The following FH variants were observed in gnomAD, a reference collection of about 807,000 sequenced individuals.
FH encodes the protein fumarate hydratase, also known as fumarate hydratase, mitochondrial.
Under a neutral mutation model 49.4 loss-of-function variants are expected in FH, and 22 were observed. The ratio of observed to expected loss-of-function variants is 0.45; its 90% CI spans 0.32 to 0.64. FH has a LOEUF of 0.64. Among genes scored for constraint, FH ranks in the 30% least tolerant of loss-of-function variants. The probability of loss-of-function intolerance (pLI) is 0.05; values close to 1 mark genes in which losing one functional copy is unlikely to be tolerated. For synonymous variants in FH, 208 were observed against 223.0 expected (o/e 0.93, Z 0.60); for missense variants, 526 against 641.5 (o/e 0.82, Z 1.95).
At chr1:241,499,567 G>A (rs1181377817) in intron 9 of FH, among the ~76,000 whole-genome samples, 1 of 152,152 alleles carries the variant, frequency 6.6e-6, no homozygotes, top group African/African-American at 2.4e-5. Flanking sequence ...TTAAAAAACT[G>A]TAATTATAGC....
chr1:241,498,766 A>C (rs1659693984), intron 9 of FH, among the ~76,000 whole-genome samples: 1 of 130,916 alleles, frequency 7.6e-6, no homozygotes, highest in Non-Finnish European at 1.6e-5. Flanking sequence ...AGCAGGAATG[A>C]AAATGAAACC....
rs1338395867 is a variant in FH at position 241,519,485 on chromosome 1, C to G, written c.132+106G>C. The G allele has an allele frequency of 2.3e-5, 31 of 1,373,998 alleles. No individual in the cohort carries two copies. In the East Asian group the frequency reaches 6.1e-4, roughly 27 times the overall value. The allele number at this position is 1,373,998 out of a possible 1,614,324, so 85.1% of individuals were successfully genotyped here. On this transcript the variant is annotated intron_variant, in intron 1 of 9. Transcript: ENST00000366560. ...GCTAAGCCCAGAGTCTGGCGCGGCC[C>G]GGACGCCCGGGGAATCTCTCCCGCC... is the stretch of plus-strand genomic sequence containing the variant.
At chr1:241,510,122 T>C (rs967455070) in intron 4 of FH, among the ~76,000 whole-genome samples, 17 of 152,194 alleles carry the variant, frequency 1.1e-4, no homozygotes, top group African/African-American at 3.9e-4. Flanking sequence ...CCTTATACAA[T>C]GAACGTGTAT....
At chr1:241,499,018 T>G (rs1366611141) in intron 9 of FH, among the ~76,000 whole-genome samples, 1 of 152,066 alleles carries the variant, frequency 6.6e-6, no homozygotes, top group Admixed American at 6.5e-5. Flanking sequence ...AAAGGGCATC[T>G]TTCTTAAAGC....
intron 4 of FH, among the ~76,000 whole-genome samples, chr1:241,509,142 A>G (rs1001387952): frequency 9.7e-5 from 14 of 144,036 alleles, no homozygotes; most frequent in African/African-American, 3.0e-4. Flanking sequence ...ACAGAGAAGT[A>G]TAGTTAACAA....
intron 3 of FH, 39 bp downstream of exon 3, chr1:241,513,564 G>T: frequency 7.0e-7 from 1 of 1,427,048 alleles, no homozygotes; most frequent in Non-Finnish European, 9.9e-7. Flanking sequence ...TATGGCATGG[G>T]TCTGAGGTTA....
chr1:241,508,518 T>G, intron 5 of FH, 85 bp downstream of exon 5: 7 of 1,293,378 alleles, frequency 5.4e-6, no homozygotes, highest in Non-Finnish European at 7.9e-6. Context: ...AAATTTGGCC[T>G]TTTAAGCTAG....
intron 7 of FH, 78 bp downstream of exon 7, chr1:241,503,964 G>C: frequency 2.1e-6 from 3 of 1,405,136 alleles, no homozygotes; most frequent in Non-Finnish European, 3.0e-6. Flanking sequence ...TTTAAACAAA[G>C]AGAGACATGG....
intron 7 of FH, among the ~76,000 whole-genome samples, chr1:241,503,230 G>C (rs930295278): frequency 1.3e-5 from 2 of 152,098 alleles, no homozygotes; most frequent in African/African-American, 4.8e-5. Context: ...CCCTGGATTT[G>C]CAATCAACTA....
rs11809211 is a variant in FH, at chr1:241,498,255, T to C, written c.1391-285A>G. 3.7e-3 allele frequency among the ~76,000 whole-genome samples: 562 copies of C among 152,234 alleles called. 1 individual carries two copies. Among genetic ancestry groups the C allele is most frequent in the African/African-American group, 0.012 (512 of 41,550 alleles). On this transcript the variant is annotated intron_variant, in intron 9 of 9. Transcript: ENST00000366560. ...TTAGATATTTTGAAGGGGAAAAAAG[T>C]AGAAATTATAGCACCACGACATAAA... is the stretch of plus-strand genomic sequence containing the variant.
At chr1:241,498,202 T>G (rs1659672801) in intron 9 of FH, among the ~76,000 whole-genome samples, 1 of 152,210 alleles carries the variant, frequency 6.6e-6, no homozygotes. Context: ...CCAACAGATT[T>G]GTTCCTAAGT....
rs863223968 is a variant in FH at position 241,508,638 on chromosome 1, G to A, written c.703C>T (p.His235Tyr). 1 of 1,613,856 alleles carries A rather than the reference G, an allele frequency of 6.2e-7. No homozygotes were observed. The stretch of plus-strand genomic sequence containing the variant: ...GTAAGTGGAACAGCATCCTGAGTAT[G>A]AGTACGTCCAATCTTGATGATCTGT... ...FAQIIKIGRTHTQDAVPLTLG... is the reference protein window; with the variant it reads ...FAQIIKIGRTYTQDAVPLTLG... The change falls in exon 5 of 10, where the codon CAT (histidine) becomes TAT (tyrosine). Residue 235 changes from histidine (H) to tyrosine (Y), a missense_variant. Coordinates refer to ENST00000366560, the MANE Select transcript of FH (RefSeq NM_000143.4).
At chr1:241,500,374 TA>T in intron 9 of FH, 62 bp downstream of exon 9, 1 of 1,541,142 alleles carries the variant, frequency 6.5e-7, no homozygotes, top group Non-Finnish European at 9.0e-7. Flanking sequence ...ACTTGTCTCT[TA>T]AAAATGGTTT....
Position 241,519,454 on chromosome 1 carries a change from A to G in FH, c.132+137T>C, listed in dbSNP as rs1048194255. 7 of 1,083,020 alleles carry G rather than the reference A, an allele frequency of 6.5e-6. No individual in the cohort carries two copies. In the African/African-American group the frequency reaches 1.0e-4, roughly 16 times the overall value. The allele number at this position is 1,083,020 out of a possible 1,614,324, so 67.1% of individuals were successfully genotyped here. On this transcript the variant is annotated intron_variant, in intron 1 of 9. Coordinates refer to ENST00000366560, the MANE Select transcript of FH (RefSeq NM_000143.4). ...AGGCCGGGAGGCCCGCCACGCCGGC[A>G]CGGGCGCTAAGCCCAGAGTCTGGCG...
At chr1:241,501,141 T>C (rs532009845) in intron 8 of FH, among the ~76,000 whole-genome samples, 114 of 152,314 alleles carry the variant, frequency 7.5e-4, no homozygotes, top group Admixed American at 1.6e-3. Flanking sequence ...ACTTTTCATA[T>C]AATATTAAAA....
intron 5 of FH, among the ~76,000 whole-genome samples, chr1:241,506,943 A>G (rs2147918253): frequency 1.3e-5 from 2 of 152,308 alleles, no homozygotes; most frequent in Middle Eastern, 3.4e-3. Context: ...CACTAAATCT[A>G]TCCTTTTTTC....
rs2147921789 is a variant in FH at position 241,511,989 on chromosome 1, T to C, written c.533A>G (p.Asn178Ser). 1 of 1,613,948 alleles carries C rather than the reference T, an allele frequency of 6.2e-7. No homozygotes were observed. The highest frequency in any genetic ancestry group is 1.3e-5 in the African/African-American group (1 of 75,024). ...GACCTGGCTTTTATTAACATGATCGTTGGGATGCACAGGTATCTTGCTGCC... is the reference window on the plus strand; with the variant it reads ...GACCTGGCTTTTATTAACATGATCGCTGGGATGCACAGGTATCTTGCTGCC... ...ELGSKIPVHP[N>S]DHVNKSQSSN... Residue 178 changes from asparagine (N) to serine (S), a missense_variant, in exon 4 of 10, where the codon AAC (asparagine) becomes AGC (serine). Around this residue, in one of 2 missense-constraint regions of FH, gnomAD observed 383 missense variants for 514.0 expected, o/e 0.75. Transcript: ENST00000366560.
chr1:241,500,615 G>GAGAGAC (rs1299247134), intron 8 of FH, 25 bp from the exon 9 acceptor site: 1 of 1,605,764 alleles, frequency 6.2e-7, no homozygotes, highest in African/African-American at 1.3e-5. Context: ...GAGAGAGAGA[G>GAGAGAC]AGAGAGAGAG....
chr1:241,506,542 C>T (rs3014577), intron 5 of FH, among the ~76,000 whole-genome samples: 102,782 of 152,046 alleles, frequency 0.68, 34,972 homozygotes, highest in East Asian at 0.79. Flanking sequence ...TTTTGGGATG[C>T]CTCAGACAAC....
Sources: gnomAD v4.1 joint callset for allele counts (sites outside exome capture counted in the v4.1 genomes callset) on GRCh38, gnomAD v4.1.1 for gene constraint, gnomAD v4.1.1 regional missense constraint, MANE v1.5 for transcripts, NCBI Gene and HGNC (gene_info 2026-07-23, HGNC 2026-07-21) for gene names.